The following EPHA7 variants were observed in gnomAD, a reference collection of about 807,000 sequenced individuals.
EPHA7 encodes the protein EPH receptor A7.
EPHA7 carries 25 observed loss-of-function variants against 112.6 expected under a neutral mutation model. The ratio of observed to expected loss-of-function variants is 0.22; its 90% CI spans 0.16 to 0.31. The LOEUF (loss-of-function observed/expected upper bound fraction) is 0.31, where lower values mean the gene tolerates loss of function less well. EPHA7 is among the 10% of genes least tolerant of loss of function. The pLI is 1.00. For missense variants in EPHA7, 962 were observed against 1,212.6 expected, an observed-to-expected ratio of 0.79 and a Z score of 3.07; for synonymous variants, 437 against 406.5, an observed-to-expected ratio of 1.07 and a Z score of -0.90.
intron 5 of EPHA7, among the ~76,000 whole-genome samples, chr6:93,346,631 A>T (rs1362667509): frequency 4.6e-5 from 7 of 151,776 alleles, no homozygotes; most frequent in African/African-American, 1.4e-4. Context: ...ACTGTATTCA[A>T]TATATATTTA....
chr6:93,403,704 T>C lies in EPHA7; in HGVS notation c.832+6797A>G, dbSNP rs911739417. Among the ~76,000 whole-genome samples the C allele has an allele frequency of 4.0e-5, 6 of 149,686 alleles. No individual in the cohort carries two copies. The Admixed American group carries it at 4.0e-4, about 10-fold the overall frequency. ...AAAAAGGAGAGATCACCTAACAGGG[T>C]ATACGTGGTATTTAAATTGATATTT... On this transcript the variant is annotated intron_variant, in intron 3 of 16. Transcript: ENST00000369303.
Position 93,419,558 on chromosome 6 carries a change from C to A in EPHA7, c.-217G>T. ...CTGCCTGCAAGTCTCCGACTGCAGA[C>A]CGGCCGCTTGCTCCACACTCCAATA... On this transcript the variant is annotated 5_prime_UTR_variant, in exon 1 of 17. Transcript: ENST00000369303. 2 of 514,128 alleles carry A rather than the reference C, an allele frequency of 3.9e-6. No homozygotes were observed. The highest frequency in any genetic ancestry group is 6.8e-6 in the Non-Finnish European group (2 of 294,466). 31.8% of individuals were successfully genotyped at this position (514,128 alleles called of 1,614,324 possible).
intron 5 of EPHA7, among the ~76,000 whole-genome samples, chr6:93,291,786 A>AAAAAAAAAAAAC: frequency 6.6e-6 from 1 of 150,508 alleles, no homozygotes; most frequent in African/African-American, 2.4e-5. Flanking sequence ...AAAAAAAAAA[A>AAAAAAAAAAAAC]ATACTTTTCT....
chr6:93,363,194 A>T (rs956430465), intron 3 of EPHA7, among the ~76,000 whole-genome samples: 70 of 152,076 alleles, frequency 4.6e-4, no homozygotes, highest in Non-Finnish European at 1.2e-4. Flanking sequence ...TCTATATTTT[A>T]AAAAAATTGT....
chr6:93,269,764 G>T lies in EPHA7; in HGVS notation c.1450-104C>A. 3.3e-6 allele frequency: 3 copies of T among 904,878 alleles called. No homozygotes were observed. The East Asian group carries it at 8.1e-5, about 24-fold the overall frequency. 56.1% of individuals were successfully genotyped at this position (904,878 alleles called of 1,614,324 possible). ...CAATTTGCTCCATTGTTTTTATAGA[G>T]GCTACATTGTACTTTGTGGAATATT... On this transcript the variant is annotated intron_variant, in intron 6 of 16. Coordinates refer to ENST00000369303, the MANE Select transcript of EPHA7 (RefSeq NM_004440.4).
chr6:93,264,608 G>A lies in EPHA7; in HGVS notation c.1728C>T (p.Phe576=). 4 of 1,602,788 alleles carry A rather than the reference G, an allele frequency of 2.5e-6. No homozygotes were observed. The highest frequency in any genetic ancestry group is 3.4e-6 in the Non-Finnish European group (4 of 1,172,738). ...TIILVFMVFG[F]IIGRRHCGYS... is the part of the protein sequence containing the mutation. ...TTGTGTTCTACCTTCTCCCAATGATGAAGCCAAAGACCATGAACACCAAAA... is the reference window on the plus strand; with the variant it reads ...TTGTGTTCTACCTTCTCCCAATGATAAAGCCAAAGACCATGAACACCAAAA... The change falls in exon 8 of 17, where the codon TTC becomes TTT. Residue 576 remains phenylalanine (F), a synonymous_variant. Coordinates refer to ENST00000369303, the MANE Select transcript of EPHA7 (RefSeq NM_004440.4).
intron 3 of EPHA7, among the ~76,000 whole-genome samples, chr6:93,395,532 C>T (rs1778123674): frequency 6.6e-6 from 1 of 150,430 alleles, no homozygotes; most frequent in Admixed American, 6.7e-5. Flanking sequence ...TTGTGAAAGT[C>T]AACTAAAAAT....
At chr6:93,367,813 T>C (rs2127956741) in intron 3 of EPHA7, among the ~76,000 whole-genome samples, 1 of 152,270 alleles carries the variant, frequency 6.6e-6, no homozygotes, top group South Asian at 2.1e-4. Context: ...CTGCCTGGCA[T>C]AGACTAAGCA....
chr6:93,367,226 G>C (rs920695865), intron 3 of EPHA7, among the ~76,000 whole-genome samples: 1 of 152,130 alleles, frequency 6.6e-6, no homozygotes, highest in African/African-American at 2.4e-5. Flanking sequence ...AATTAGGAGA[G>C]TTCTTACCCC....
At chr6:93,362,280 T>C (rs1213656131) in intron 3 of EPHA7, among the ~76,000 whole-genome samples, 1 of 152,054 alleles carries the variant, frequency 6.6e-6, no homozygotes, top group African/African-American at 2.4e-5. Context: ...AATAGTATTA[T>C]TTACTGCAAT....
intron 1 of EPHA7, among the ~76,000 whole-genome samples, chr6:93,418,343 CAAATA>C (rs1261046665): frequency 2.0e-5 from 3 of 152,348 alleles, no homozygotes; most frequent in South Asian, 2.1e-4. Flanking sequence ...AACAGCTTGC[CAAATA>C]AAACCTGCCT....
chr6:93,405,809 G>GTATATATATA (rs1778679029), intron 3 of EPHA7, among the ~76,000 whole-genome samples: 1 of 61,624 alleles, frequency 1.6e-5, no homozygotes, highest in African/African-American at 8.7e-5. Context: ...GTGTGTGTGT[G>GTATATATATA]TGTGTATATA....
intron 5 of EPHA7, among the ~76,000 whole-genome samples, chr6:93,318,127 T>C (rs1373333964): frequency 1.3e-5 from 2 of 152,198 alleles, no homozygotes; most frequent in East Asian, 3.9e-4. Context: ...CATATCTCTC[T>C]TGCTAATTCA....
intron 3 of EPHA7, among the ~76,000 whole-genome samples, chr6:93,384,940 TC>T (rs1173447202): frequency 1.9e-4 from 29 of 152,210 alleles, no homozygotes; most frequent in African/African-American, 6.3e-4. Flanking sequence ...TAACAGACCA[TC>T]AAAAACTAGT....
chr6:93,364,818 C>T (rs1022857759), intron 3 of EPHA7, among the ~76,000 whole-genome samples: 2 of 151,894 alleles, frequency 1.3e-5, no homozygotes, highest in African/African-American at 4.8e-5. Context: ...ATTGTTTTAA[C>T]CTATTTGTTA....
chr6:93,257,393 A>G, intron 12 of EPHA7, 69 bp downstream of exon 12: 1 of 1,230,782 alleles, frequency 8.1e-7, no homozygotes, highest in Non-Finnish European at 1.2e-6. Flanking sequence ...CATTGCAAAA[A>G]AAGTTCATAA....
rs1771265031 is a variant in EPHA7, at chr6:93,272,327, T to C, written c.1420A>G (p.Thr474Ala). 1.2e-6 allele frequency: 2 copies of C among 1,611,978 alleles called. No homozygotes were observed. The highest frequency in any genetic ancestry group is 2.2e-5 in the South Asian group (2 of 91,058). ...TCGTAATACTTGATTTCATATTCTG[T>C]GATGACTCCATTGGGATGCTCTGGT... The part of the protein sequence containing the change: ...QEPEHPNGVI[T>A]EYEIKYYEKD... Residue 474 changes from threonine (T) to alanine (A), a missense_variant, in exon 6 of 17, where the codon ACA becomes GCA. By Grantham distance (58) the Thr-to-Ala change is moderately conservative. Transcript: ENST00000369303.
At chr6:93,406,790 C>A (rs933306661) in intron 3 of EPHA7, among the ~76,000 whole-genome samples, 1 of 151,742 alleles carries the variant, frequency 6.6e-6, no homozygotes, top group East Asian at 1.9e-4. Flanking sequence ...ATAAAAGTTA[C>A]AAAAATTGAA....
intron 3 of EPHA7, among the ~76,000 whole-genome samples, chr6:93,370,042 G>A (rs577608928): frequency 6.6e-6 from 1 of 152,262 alleles, no homozygotes; most frequent in East Asian, 1.9e-4. Flanking sequence ...GCACAGCCAT[G>A]TTTAGACTAA....
Sources: gnomAD v4.1 joint callset for allele counts (sites outside exome capture counted in the v4.1 genomes callset) on GRCh38, gnomAD v4.1.1 for gene constraint, MANE v1.5 for transcripts, NCBI Gene and HGNC (gene_info 2026-07-23, HGNC 2026-07-21) for gene names.